Variants in ESR2 observed in about 807,000 individuals in gnomAD.
ESR2 encodes estrogen receptor beta.
In ESR2, 36 loss-of-function variants were observed where a neutral mutation model predicts 49.6. The observed-to-expected ratio is 0.73, with a 90% CI of 0.56 to 0.96. ESR2 has a LOEUF of 0.96. Ranked by LOEUF, ESR2 falls within the 40% of genes least tolerant of loss-of-function variation. The probability of loss-of-function intolerance (pLI) is 0.00; values close to 1 mark genes in which losing one functional copy is unlikely to be tolerated. For synonymous variants in ESR2, 320 were observed against 266.1 expected, an observed-to-expected ratio of 1.20 and a Z score of -1.97; for missense variants, 714 against 693.0, an observed-to-expected ratio of 1.03 and a Z score of -0.34.
intron 1 of ESR2, among the ~76,000 whole-genome samples, chr14:64,332,708 G>C (rs1052374529): frequency 1.3e-5 from 2 of 149,296 alleles, no homozygotes; most frequent in African/African-American, 4.9e-5. Flanking sequence ...GCTAAGGCAG[G>C]AGAATGACAT....
intron 1 of ESR2, among the ~76,000 whole-genome samples, chr14:64,285,817 A>C (rs1267717622): frequency 8.0e-6 from 1 of 124,516 alleles, no homozygotes; most frequent in Non-Finnish European, 1.7e-5. Context: ...ACAGAGTGAG[A>C]CTCTGTCTCA....
intron 7 of ESR2, among the ~76,000 whole-genome samples, chr14:64,246,066 G>T (rs1457588502): frequency 2.6e-5 from 4 of 152,204 alleles, no homozygotes; most frequent in Admixed American, 2.6e-4. Context: ...TGGTGGGCCG[G>T]ATGTGGTGGC....
At chr14:64,293,514 T>C (rs546959875) in intron 1 of ESR2, among the ~76,000 whole-genome samples, 1 of 152,146 alleles carries the variant, frequency 6.6e-6, no homozygotes, top group Non-Finnish European at 1.5e-5. Context: ...ACACGCAGGG[T>C]GTTAGAGGGC....
Position 64,231,187 on chromosome 14 carries a change from T to C in ESR2, c.*1950A>G, listed in dbSNP as rs1418187014. On this transcript the variant is annotated 3_prime_UTR_variant, in exon 9 of 9. Coordinates refer to ENST00000341099, the MANE Select transcript of ESR2 (RefSeq NM_001437.3). ...GCGTGAGCCACCACATCTGGCCTTGTTTTGGTTTTTTATGTTTTTGTTACC... is the reference window on the plus strand; with the variant it reads ...GCGTGAGCCACCACATCTGGCCTTGCTTTGGTTTTTTATGTTTTTGTTACC... The C allele has an allele frequency of 6.6e-6, 1 of 152,148 alleles. No homozygotes were observed. The highest frequency in any genetic ancestry group is 2.4e-5 in the African/African-American group (1 of 41,416). 9.4% of individuals were successfully genotyped at this position (152,148 alleles called of 1,614,324 possible).
chr14:64,295,290 T>A (rs1235524825), upstream of ESR2, among the ~76,000 whole-genome samples: 1 of 152,120 alleles, frequency 6.6e-6, no homozygotes. Flanking sequence ...GTGATCCAGA[T>A]CTCTAATAGA....
chr14:64,302,761 G>A (rs1242559471), intron 1 of ESR2, among the ~76,000 whole-genome samples: 1 of 152,198 alleles, frequency 6.6e-6, no homozygotes, highest in Non-Finnish European at 1.5e-5. Context: ...GCAAGAGCCT[G>A]CTCAGGCTGG....
Position 64,294,123 on chromosome 14 carries a change from C to A in ESR2, c.-181G>T, listed in dbSNP as rs1367231262. The A allele has an allele frequency of 6.6e-6, 1 of 152,358 alleles. No homozygotes were observed. The highest frequency in any genetic ancestry group is 1.5e-5 in the Non-Finnish European group (1 of 68,172). The allele number at this position is 152,358 out of a possible 1,614,324, so 9.4% of individuals were successfully genotyped here. A position where few individuals can be genotyped will look rare whatever the true frequency, so the allele number is the denominator to read the frequency against. On this transcript the variant is annotated 5_prime_UTR_variant, in exon 1 of 9. Coordinates refer to ENST00000341099, the MANE Select transcript of ESR2 (RefSeq NM_001437.3). ...GGGGGTCTCCCGGCGCGCGCCCCGC[C>A]GCCACCTGTTGAGGAAAGCGAGCGC...
chr14:64,283,059 G>A lies in ESR2; in HGVS notation c.-74C>T, dbSNP rs938866170. ...GTCATTATAATGTTCTCAAAGATTC[G>A]TGGGCAAGTATAATGGCTGTAAAGA... On this transcript the variant is annotated 5_prime_UTR_variant, in exon 2 of 9. It adds an upstream start codon to the 5' untranslated region. Transcript: ENST00000341099. 4.3e-5 allele frequency: 63 copies of A among 1,473,972 alleles called. No homozygotes were observed. In the East Asian group the frequency reaches 5.2e-4, roughly 12 times the overall value. 91.3% of individuals were successfully genotyped at this position (1,473,972 alleles called of 1,614,324 possible).
chr14:64,239,745 A>G (rs540891130), intron 7 of ESR2, among the ~76,000 whole-genome samples: 2 of 152,230 alleles, frequency 1.3e-5, no homozygotes, highest in Non-Finnish European at 2.9e-5. Context: ...GTTGTCTCTT[A>G]CTCTCAAGAG....
At chr14:64,319,986 C>T (rs146533198) in intron 1 of ESR2, among the ~76,000 whole-genome samples, 151 of 152,168 alleles carry the variant, frequency 9.9e-4, no homozygotes, top group Non-Finnish European at 1.5e-3. Flanking sequence ...CACTTGAATG[C>T]TTATAGCAGC....
At chr14:64,267,848 C>T (rs896665541) in intron 4 of ESR2, among the ~76,000 whole-genome samples, 89 of 147,074 alleles carry the variant, frequency 6.1e-4, no homozygotes, top group African/African-American at 1.8e-3. Flanking sequence ...TGGGCCACTG[C>T]ACTCCAGTCT....
intron 6 of ESR2, among the ~76,000 whole-genome samples, chr14:64,253,349 C>T (rs1200180491): frequency 6.6e-6 from 1 of 151,812 alleles, no homozygotes; most frequent in East Asian, 1.9e-4. Context: ...TGCCACCACA[C>T]CCAGCTAATT....
chr14:64,285,065 C>G (rs111398570), intron 1 of ESR2, among the ~76,000 whole-genome samples: 1 of 151,848 alleles, frequency 6.6e-6, no homozygotes, highest in Non-Finnish European at 1.5e-5. Flanking sequence ...TGGCCAGGCT[C>G]GTCTTGAAAT....
At position 64,260,668 on chromosome 14, in the gene ESR2, CCTTGCCGGCACAGTGCAGCTG is replaced by C. The variant is rs547381222; in HGVS notation, c.712_732del (p.Gln238_Lys244del). The C allele has an allele frequency of 1.2e-3, 1,902 of 1,603,642 alleles. 4 individuals are homozygous for C. Among genetic ancestry groups the C allele is most frequent in the Non-Finnish European group, 1.5e-3 (1,791 of 1,174,440 alleles). On this transcript the variant is annotated inframe_deletion, in exon 5 of 9. Transcript: ENST00000341099. ...GGCGCGTGGCCGCCACTTCTCTTGG[CCTTGCCGGCACAGTGCAGCTG>C]CTCGTCGGCACTTCTCTGTCTCCGC...
intron 4 of ESR2, 80 bp downstream of exon 4, chr14:64,268,715 C>T (rs904386265): frequency 4.0e-5 from 32 of 796,118 alleles, no homozygotes; most frequent in African/African-American, 2.6e-4. Flanking sequence ...TCTCTTTTCC[C>T]GGCTACCTGT....
At chr14:64,286,532 C>T (rs1047549986) in intron 1 of ESR2, among the ~76,000 whole-genome samples, 3 of 152,150 alleles carry the variant, frequency 2.0e-5, no homozygotes, top group South Asian at 2.1e-4. Flanking sequence ...GAACTTCCGA[C>T]CTCAAATGAT....
At chr14:64,234,201 C>T (rs2098730136) in intron 8 of ESR2, 1 of 152,264 alleles carries the variant, frequency 6.6e-6, no homozygotes, top group Non-Finnish European at 1.5e-5. Context: ...AGGGGAAAGG[C>T]AGAGGTCTTC....
chr14:64,297,215 T>A (rs572866618), upstream of ESR2, among the ~76,000 whole-genome samples: 151 of 152,294 alleles, frequency 9.9e-4, no homozygotes, highest in African/African-American at 3.5e-3. Context: ...GATAAAGCAT[T>A]GAATTGTTAA....
At chr14:64,245,865 T>C (rs527382496) in intron 7 of ESR2, among the ~76,000 whole-genome samples, 236 of 152,334 alleles carry the variant, frequency 1.5e-3, no homozygotes, top group African/African-American at 5.5e-3. Context: ...TCTAAATTAT[T>C]TCTGAAAGTG....
Sources: gnomAD v4.1 joint callset for allele counts (sites outside exome capture counted in the v4.1 genomes callset) on GRCh38, gnomAD v4.1.1 for gene constraint, MANE v1.5 for transcripts, NCBI Gene and HGNC (gene_info 2026-07-23, HGNC 2026-07-21) for gene names.